The following ASCC3 variants were observed in gnomAD, a reference collection of about 807,000 sequenced individuals.
ASCC3 encodes activating signal cointegrator 1 complex subunit 3.
ASCC3 carries 158 observed loss-of-function variants against 256.3 expected under a neutral mutation model. The ratio of observed to expected loss-of-function variants is 0.62; its 90% CI spans 0.54 to 0.70. The LOEUF (loss-of-function observed/expected upper bound fraction) is 0.70. Ranked by LOEUF, ASCC3 falls within the 30% of genes least tolerant of loss-of-function variation. ASCC3 has a pLI of 0.00. For synonymous variants in ASCC3, 948 were observed against 883.4 expected, an observed-to-expected ratio of 1.07 and a Z score of -1.30; for missense variants, 2,259 against 2,626.0, an observed-to-expected ratio of 0.86 and a Z score of 3.05.
rs182897071 is a variant in ASCC3 at position 100,684,065 on chromosome 6, T to G, written c.2152-4313A>C. Among the ~76,000 whole-genome samples, 88 of 152,182 alleles carry G rather than the reference T, an allele frequency of 5.8e-4. 1 individual carries two copies. The Middle Eastern group carries it at 0.017, about 29-fold the overall frequency. On this transcript the variant is annotated intron_variant, in intron 13 of 41. Coordinates refer to ENST00000369162, the MANE Select transcript of ASCC3 (RefSeq NM_006828.4). ...TTAAAATTAATAAAGGAGTAAAAGCTCAGAAAATAATGATTCAGAAAACTG... is the reference window on the plus strand; with the variant it reads ...TTAAAATTAATAAAGGAGTAAAAGCGCAGAAAATAATGATTCAGAAAACTG...
chr6:100,515,924 T>C (rs1422518298), intron 39 of ASCC3, among the ~76,000 whole-genome samples: 1 of 152,186 alleles, frequency 6.6e-6, no homozygotes, highest in Non-Finnish European at 1.5e-5. Context: ...TGTCATTATT[T>C]TTAGTATTCA....
chr6:100,606,435 C>G (rs1004473667), intron 32 of ASCC3, among the ~76,000 whole-genome samples: 1 of 152,104 alleles, frequency 6.6e-6, no homozygotes. Context: ...AGGAATTTCA[C>G]TAATAGCTCC....
At chr6:100,745,617 T>G (rs1299635837) in intron 10 of ASCC3, among the ~76,000 whole-genome samples, 1 of 152,230 alleles carries the variant, frequency 6.6e-6, no homozygotes, top group East Asian at 1.9e-4. Flanking sequence ...TTTGCACTGT[T>G]GGAAGGGACT....
intron 1 of ASCC3, among the ~76,000 whole-genome samples, chr6:100,874,773 G>C (rs1167085145): frequency 6.6e-6 from 1 of 152,056 alleles, no homozygotes; most frequent in African/African-American, 2.4e-5. Flanking sequence ...AGGAAGACAG[G>C]GAAGGAGCAT....
chr6:100,525,156 C>CAAAAAACAAAAAAAAAAAAAAAAAAA (rs1774508249), intron 37 of ASCC3, among the ~76,000 whole-genome samples: 1 of 44,950 alleles, frequency 2.2e-5, no homozygotes. Flanking sequence ...GACCCTGTCT[C>CAAAAAACAAAAAAAAAAAAAAAAAAA]AAAAAAAAAA....
intron 2 of ASCC3, 74 bp from the exon 3 acceptor site, chr6:100,864,288 T>C (rs1582983394): frequency 1.5e-6 from 2 of 1,317,334 alleles, no homozygotes; most frequent in African/African-American, 1.5e-5. Context: ...TACATATATT[T>C]TGCATTACAT....
intron 10 of ASCC3, among the ~76,000 whole-genome samples, chr6:100,738,693 A>G (rs182651927): frequency 5.2e-4 from 79 of 152,270 alleles, no homozygotes; most frequent in African/African-American, 1.8e-3. Context: ...TGTCTTGGCT[A>G]TTTGGACTTC....
chr6:100,832,964 A>G (rs925696013), intron 4 of ASCC3, among the ~76,000 whole-genome samples: 2 of 152,170 alleles, frequency 1.3e-5, no homozygotes, highest in Non-Finnish European at 2.9e-5. Context: ...GAGCTATACT[A>G]GAAAAACAAA....
chr6:100,546,632 A>G (rs570211973), intron 36 of ASCC3, among the ~76,000 whole-genome samples: 2 of 152,274 alleles, frequency 1.3e-5, no homozygotes, highest in South Asian at 4.1e-4. Context: ...TGCTGTCAAT[A>G]AGAAATTTAC....
chr6:100,737,168 G>T (rs1388845689), intron 10 of ASCC3, among the ~76,000 whole-genome samples: 1 of 150,544 alleles, frequency 6.6e-6, no homozygotes, highest in African/African-American at 2.4e-5. Flanking sequence ...AAAGGCGGGG[G>T]AGGCAGTGGG....
At chr6:100,772,271 G>C (rs1489530107) in intron 8 of ASCC3, among the ~76,000 whole-genome samples, 2 of 152,102 alleles carry the variant, frequency 1.3e-5, no homozygotes, top group African/African-American at 4.8e-5. Context: ...GTTTTTAAAA[G>C]TTAAACAACA....
In ASCC3 at chr6:100,653,352, T is replaced by A. The variant is rs538488015; in HGVS notation, c.2824-463A>T. Among the ~76,000 whole-genome samples the A allele has an allele frequency of 2.4e-3, 371 of 152,130 alleles. 1 individual carries two copies. Among genetic ancestry groups the A allele is most frequent in the Middle Eastern group, 6.8e-3 (2 of 294 alleles). The stretch of plus-strand genomic sequence containing the variant: ...TCAAGATATATTTAGAACTGCAAAG[T>A]TATCCGGCCGGGCACAGTGGCTCAC... On this transcript the variant is annotated intron_variant, in intron 17 of 41. Coordinates refer to ENST00000369162, the MANE Select transcript of ASCC3 (RefSeq NM_006828.4).
chr6:100,608,825 G>A (rs1288134169), intron 30 of ASCC3, among the ~76,000 whole-genome samples: 12 of 125,736 alleles, frequency 9.5e-5, no homozygotes, highest in Admixed American at 1.9e-4. Flanking sequence ...GTGCAGTGGC[G>A]TGATCTCGGC....
At chr6:100,858,772 G>T in intron 3 of ASCC3, 1 of 856,790 alleles carries the variant, frequency 1.2e-6, no homozygotes, top group Non-Finnish European at 1.5e-6. Context: ...CTCTTACATA[G>T]CCACAACATT....
Position 100,652,847 on chromosome 6 carries a change from C to G in ASCC3, c.2866G>C (p.Glu956Gln). The G allele has an allele frequency of 6.2e-7, 1 of 1,613,886 alleles. No homozygotes were observed. The highest frequency in any genetic ancestry group is 1.1e-5 in the South Asian group (1 of 91,058). Residue 956 changes from glutamate (E) to glutamine (Q), a missense_variant, in exon 18 of 42, where the codon GAA (glutamate) becomes CAA (glutamine). Transcript: ENST00000369162. The part of the protein sequence containing the change: ...LRKHREQLVI[E>Q]VGRKLDKAQM... Reference sequence around the variant, plus strand: ...GCTTTGTCTAGTTTTCGTCCAACTTCAATGACCAACTGTTCTCGATGCTTT... The same window carrying G: ...GCTTTGTCTAGTTTTCGTCCAACTTGAATGACCAACTGTTCTCGATGCTTT...
chr6:100,817,659 T>C (rs1379480528), intron 4 of ASCC3, among the ~76,000 whole-genome samples: 2 of 152,036 alleles, frequency 1.3e-5, no homozygotes, highest in African/African-American at 4.8e-5. Context: ...TATATCAATA[T>C]ATTATATACA....
chr6:100,509,980 T>C lies in ASCC3; in HGVS notation c.6413A>G (p.Asn2138Ser). ...IALKRVGYIR[N>S]HHVASLSFYT... ...AAAAGAAAGGGAAGCAACATGATGA[T>C]TTCGAATATATCCTACTCTTTTCAA... The change falls in exon 41 of 42, where the codon AAT (asparagine) becomes AGT (serine). Residue 2138 changes from asparagine (N) to serine (S), a missense_variant. Asn to Ser is a conservative substitution (Grantham distance 46, BLOSUM62 1). This residue lies in a region of ASCC3 where 1,839 missense variants were observed against 2,206.7 expected (regional missense o/e 0.83). Transcript: ENST00000369162. The C allele has an allele frequency of 4.3e-6, 7 of 1,614,098 alleles. No individual in the cohort carries two copies. The highest frequency in any genetic ancestry group is 1.3e-5 in the African/African-American group (1 of 75,036).
At position 100,805,984 on chromosome 6, in the gene ASCC3, A is replaced by G. The variant is rs1447598854; in HGVS notation, c.802-104T>C. The G allele has an allele frequency of 3.7e-6, 4 of 1,074,662 alleles. No individual in the cohort carries two copies. The Admixed American group carries it at 7.3e-5, about 20-fold the overall frequency. The allele number at this position is 1,074,662 out of a possible 1,614,324, so 66.6% of individuals were successfully genotyped here. A position where few individuals can be genotyped will look rare whatever the true frequency, so the allele number is the denominator to read the frequency against. ...CAGAGGTGTAAAGCCAAACTAATATAGAAATACTCAAAAAATTTAATAAAA... is the reference window on the plus strand; with the variant it reads ...CAGAGGTGTAAAGCCAAACTAATATGGAAATACTCAAAAAATTTAATAAAA... On this transcript the variant is annotated intron_variant, in intron 4 of 41. Coordinates refer to ENST00000369162, the MANE Select transcript of ASCC3 (RefSeq NM_006828.4).
chr6:100,735,193 C>T (rs1407092209), intron 10 of ASCC3, among the ~76,000 whole-genome samples: 1 of 152,102 alleles, frequency 6.6e-6, no homozygotes, highest in East Asian at 1.9e-4. Flanking sequence ...GATATTACAA[C>T]TTAAGATGAA....
Sources: gnomAD v4.1 joint callset for allele counts (sites outside exome capture counted in the v4.1 genomes callset) on GRCh38, gnomAD v4.1.1 for gene constraint, gnomAD v4.1.1 regional missense constraint, MANE v1.5 for transcripts, NCBI Gene and HGNC (gene_info 2026-07-23, HGNC 2026-07-21) for gene names.